SPATS2: variants seen among roughly 807,000 people sequenced by gnomAD.
SPATS2 encodes the protein spermatogenesis associated serine rich 2.
A neutral mutation model predicts 63.7 loss-of-function variants in SPATS2; 38 were observed. The observed-to-expected ratio is 0.60, with a 90% CI of 0.46 to 0.78. SPATS2 has a LOEUF of 0.78. Among genes scored for constraint, SPATS2 ranks in the 30% least tolerant of loss-of-function variants. The probability of loss-of-function intolerance (pLI) is 0.00; values close to 1 mark genes in which losing one functional copy is unlikely to be tolerated. For missense variants in SPATS2, 588 were observed against 666.2 expected (o/e 0.88, Z 1.29); for synonymous variants, 207 against 232.9 (o/e 0.89, Z 1.01).
intron 9 of SPATS2, chr12:49,512,865 T>C: frequency 7.8e-7 from 1 of 1,288,968 alleles, no homozygotes; most frequent in Non-Finnish European, 1.0e-6. Context: ...CTTTTAGGTA[T>C]TCCAATGCTG....
intron 3 of SPATS2, among the ~76,000 whole-genome samples, chr12:49,477,102 T>TAA (rs550575980): frequency 1.2e-4 from 17 of 136,742 alleles, no homozygotes; most frequent in Admixed American, 2.2e-4. Context: ...AAACTCCTCT[T>TAA]AAAAAAAAAA....
intron 9 of SPATS2, 108 bp from the exon 10 acceptor site, chr12:49,514,447 A>G: frequency 1.1e-6 from 1 of 933,276 alleles, no homozygotes. Context: ...ATTTTTTAGT[A>G]TGCTTTTAGC....
intron 3 of SPATS2, among the ~76,000 whole-genome samples, chr12:49,476,886 G>A (rs557668335): frequency 1.6e-3 from 240 of 152,238 alleles, no homozygotes; most frequent in African/African-American, 5.3e-3. Flanking sequence ...CGGGCGGATC[G>A]CCTGAGGTCA....
At chr12:49,440,177 CATGT>C (rs1945391797) in intron 2 of SPATS2, among the ~76,000 whole-genome samples, 1 of 152,176 alleles carries the variant, frequency 6.6e-6, no homozygotes, top group Non-Finnish European at 1.5e-5. Flanking sequence ...CTGTAGACTT[CATGT>C]TCCTCTATCC....
At chr12:49,414,451 AG>A (rs781517550) in intron 2 of SPATS2, among the ~76,000 whole-genome samples, 1 of 152,136 alleles carries the variant, frequency 6.6e-6, no homozygotes. Context: ...TAAAAAAAAA[AG>A]TTCAACAGAG....
chr12:49,396,405 C>T (rs1032643566), intron 2 of SPATS2, among the ~76,000 whole-genome samples: 11 of 152,132 alleles, frequency 7.2e-5, no homozygotes, highest in Admixed American at 2.6e-4. Flanking sequence ...CTGATTTCCT[C>T]GTGGGAGGTT....
intron 9 of SPATS2, 136 bp downstream of exon 9, chr12:49,500,341 T>G: frequency 9.8e-7 from 1 of 1,015,750 alleles, no homozygotes; most frequent in Non-Finnish European, 1.4e-6. Flanking sequence ...TATGGTATAT[T>G]TAGCTTTCTG....
intron 12 of SPATS2, among the ~76,000 whole-genome samples, chr12:49,523,683 G>A (rs1375331489): frequency 6.6e-6 from 1 of 152,102 alleles, no homozygotes; most frequent in Non-Finnish European, 1.5e-5. Context: ...CAGGCGCGGT[G>A]GCTCATGCCT....
At chr12:49,373,447 A>G (rs944581816) in intron 2 of SPATS2, among the ~76,000 whole-genome samples, 8 of 152,144 alleles carry the variant, frequency 5.3e-5, no homozygotes, top group Non-Finnish European at 8.8e-5. Flanking sequence ...ACCCAGTCCA[A>G]TTGCCATTCA....
At chr12:49,407,678 G>A (rs1944720633) in intron 2 of SPATS2, among the ~76,000 whole-genome samples, 1 of 152,054 alleles carries the variant, frequency 6.6e-6, no homozygotes, top group Non-Finnish European at 1.5e-5. Context: ...CATTTTCTCT[G>A]TAGCACTTAT....
At chr12:49,416,458 A>C (rs936815188) in intron 2 of SPATS2, among the ~76,000 whole-genome samples, 2 of 151,734 alleles carry the variant, frequency 1.3e-5, no homozygotes, top group Admixed American at 1.3e-4. Context: ...CACCTGGCAG[A>C]AGTTTTATCA....
intron 8 of SPATS2, among the ~76,000 whole-genome samples, chr12:49,497,267 A>G (rs1195072444): frequency 1.3e-5 from 2 of 152,208 alleles, no homozygotes; most frequent in Non-Finnish European, 2.9e-5. Context: ...TACTGCCAGA[A>G]TGATTTACCT....
chr12:49,489,889 A>G (rs1401378278), intron 5 of SPATS2, among the ~76,000 whole-genome samples: 3 of 152,364 alleles, frequency 2.0e-5, no homozygotes, highest in East Asian at 3.9e-4. Flanking sequence ...GAGACTCTTA[A>G]TAACAAAGCA....
At chr12:49,512,417 T>C (rs1318823649) in intron 9 of SPATS2, among the ~76,000 whole-genome samples, 4 of 152,214 alleles carry the variant, frequency 2.6e-5, no homozygotes, top group Non-Finnish European at 5.9e-5. Context: ...ACATGGTAGC[T>C]GGATATATTA....
intron 11 of SPATS2, among the ~76,000 whole-genome samples, chr12:49,519,678 C>T (rs1946905952): frequency 6.6e-6 from 1 of 151,994 alleles, no homozygotes; most frequent in African/African-American, 2.4e-5. Flanking sequence ...CTTGCTCTGC[C>T]ATTACCCTCA....
At chr12:49,445,641 C>T (rs938122159) in intron 2 of SPATS2, among the ~76,000 whole-genome samples, 1 of 152,092 alleles carries the variant, frequency 6.6e-6, no homozygotes, top group African/African-American at 2.4e-5. Flanking sequence ...CCTCAGCCTC[C>T]CAAGTAGCTG....
chr12:49,526,000 C>T lies in SPATS2; in HGVS notation c.1383C>T (p.Ser461=). The part of the protein sequence containing the change: ...GQGYRPQGQK[S]NDPMNQGRHD... ...GCTATAGGCCACAAGGCCAAAAGTC[C>T]AATGACCCCATGAACCAAGGGCGGC... Residue 461 remains serine, a synonymous_variant, in exon 14 of 14, where the codon TCC becomes TCT. Coordinates refer to ENST00000552918, the MANE Select transcript of SPATS2 (RefSeq NM_023071.4). The T allele has an allele frequency of 6.2e-7, 1 of 1,614,254 alleles. No individual in the cohort carries two copies. Among genetic ancestry groups the T allele is most frequent in the Non-Finnish European group, 8.5e-7 (1 of 1,180,044 alleles).
intron 2 of SPATS2, among the ~76,000 whole-genome samples, chr12:49,451,087 G>T (rs927523904): frequency 6.6e-6 from 1 of 151,486 alleles, no homozygotes; most frequent in Non-Finnish European, 1.5e-5. Flanking sequence ...GGCTAGGCTG[G>T]TCTCTAACTC....
At chr12:49,454,672 T>C (rs1414373341) in intron 2 of SPATS2, among the ~76,000 whole-genome samples, 1 of 151,984 alleles carries the variant, frequency 6.6e-6, no homozygotes, top group Non-Finnish European at 1.5e-5. Context: ...TGCTTCGGCC[T>C]AGGAGTTAGA....
Sources: gnomAD v4.1 joint callset for allele counts (sites outside exome capture counted in the v4.1 genomes callset) on GRCh38, gnomAD v4.1.1 for gene constraint, MANE v1.5 for transcripts, NCBI Gene and HGNC (gene_info 2026-07-23, HGNC 2026-07-21) for gene names.